The following CACNA1B variants were observed in gnomAD, a reference collection of about 807,000 sequenced individuals.
CACNA1B encodes the protein calcium voltage-gated channel subunit alpha1 B.
A neutral mutation model predicts 247.2 loss-of-function variants in CACNA1B; 70 were observed. That is an observed-to-expected ratio of 0.28 (90% CI 0.23 to 0.35). CACNA1B has a LOEUF of 0.35. CACNA1B is among the 10% of genes least tolerant of loss of function. The pLI, the probability that CACNA1B is intolerant of heterozygous loss-of-function variation, is 1.00. For missense variants in CACNA1B, 2,367 were observed against 3,197.4 expected (o/e 0.74, Z 6.26); for synonymous variants, 1,231 against 1,294.4 (o/e 0.95, Z 1.05).
intron 6 of CACNA1B, among the ~76,000 whole-genome samples, chr9:137,931,423 G>A (rs184534497): frequency 1.6e-4 from 25 of 152,250 alleles, no homozygotes; most frequent in Admixed American, 1.5e-3. Flanking sequence ...GTGGAATGGG[G>A]GGCGTTGCAA....
Position 138,020,098 on chromosome 9 carries a change from C to CAA in CACNA1B, c.2268-2893_2268-2892dup, listed in dbSNP as rs4066675. Among the ~76,000 whole-genome samples, 66 of 83,780 alleles carry CAA rather than the reference C, an allele frequency of 7.9e-4. No individual in the cohort carries two copies. Among genetic ancestry groups the CAA allele is most frequent in the African/African-American group, 1.4e-3 (35 of 25,792 alleles). The allele number at this position is 83,780 out of a possible 152,430, so 55.0% of individuals were successfully genotyped here. On this transcript the variant is annotated intron_variant, in intron 18 of 46. Coordinates refer to ENST00000371372, the MANE Select transcript of CACNA1B (RefSeq NM_000718.4). The surrounding 1 kb of genome is among the most constrained non-coding windows in gnomAD (Gnocchi z 4.1). ...GGCGACACAGCGAGACTCTGTCTCCCAAAAAAAAAAAAAAAAAAAAATGCA... is the reference window on the plus strand; with the variant it reads ...GGCGACACAGCGAGACTCTGTCTCCCAAAAAAAAAAAAAAAAAAAAAAATGCA...
intron 3 of CACNA1B, among the ~76,000 whole-genome samples, chr9:137,896,193 T>G (rs951947551): frequency 6.8e-6 from 1 of 147,100 alleles, no homozygotes; most frequent in Admixed American, 6.9e-5. Flanking sequence ...GAGCCGAGAT[T>G]GCACCACTGC....
At chr9:137,892,540 C>T in intron 3 of CACNA1B, 1 of 370,244 alleles carries the variant, frequency 2.7e-6, no homozygotes, top group Non-Finnish European at 5.4e-6. Flanking sequence ...TCTCTGTCAT[C>T]AGCCTCTGGG....
rs1171102669 is a variant in CACNA1B at position 138,057,627 on chromosome 9, G to A, written c.3969-105G>A. The A allele has an allele frequency of 9.1e-7, 1 of 1,098,736 alleles. No individual in the cohort carries two copies. The highest frequency in any genetic ancestry group is 1.6e-5 in the African/African-American group (1 of 64,096). 68.1% of individuals were successfully genotyped at this position (1,098,736 alleles called of 1,614,324 possible). ...TCCAGTTTTCCCAGCACAGTCTGTT[G>A]GAGAGGCCATTCTTTCCCCACGGAA... On this transcript the variant is annotated intron_variant, in intron 26 of 46. Coordinates refer to ENST00000371372, the MANE Select transcript of CACNA1B (RefSeq NM_000718.4). The surrounding 1 kb of genome is among the most constrained non-coding windows in gnomAD (Gnocchi z 4.0).
chr9:137,982,832 G>T (rs1408160357), intron 12 of CACNA1B, among the ~76,000 whole-genome samples: 1 of 152,176 alleles, frequency 6.6e-6, no homozygotes, highest in Non-Finnish European at 1.5e-5. Flanking sequence ...GTATTGATAG[G>T]GTTATCACAG....
intron 2 of CACNA1B, among the ~76,000 whole-genome samples, chr9:137,879,987 G>A (rs537770291): frequency 2.0e-5 from 3 of 152,222 alleles, no homozygotes; most frequent in Non-Finnish European, 2.9e-5. Flanking sequence ...CAGAGCAAGT[G>A]GGGGCCCAGG....
intron 15 of CACNA1B, among the ~76,000 whole-genome samples, chr9:137,995,314 T>C (rs891960929): frequency 1.3e-5 from 2 of 151,544 alleles, no homozygotes; most frequent in Admixed American, 6.6e-5. Flanking sequence ...CAAAACACCA[T>C]GGTACTGGTA....
At position 138,000,998 on chromosome 9, in the gene CACNA1B, AT is replaced by A. The variant is rs1958570749; in HGVS notation, c.1975-5765del. Among the ~76,000 whole-genome samples, 3 of 152,054 alleles carry A rather than the reference AT, an allele frequency of 2.0e-5. No homozygotes were observed. The South Asian group carries it at 6.2e-4, about 32-fold the overall frequency. On this transcript the variant is annotated intron_variant, in intron 15 of 46. Coordinates refer to ENST00000371372, the MANE Select transcript of CACNA1B (RefSeq NM_000718.4). The stretch of plus-strand genomic sequence containing the variant: ...AAAATATGCTTTTTACAGTCTTGTT[AT>A]TTTGGTGTTTTTTTATCTGCATCAC...
chr9:137,879,202 C>T (rs769992329), intron 2 of CACNA1B, 43 bp downstream of exon 2: 1 of 1,254,916 alleles, frequency 8.0e-7, no homozygotes, highest in Non-Finnish European at 1.1e-6. Flanking sequence ...GTGGGGAGGC[C>T]GCGACTCCAC....
intron 11 of CACNA1B, among the ~76,000 whole-genome samples, chr9:137,975,003 C>T (rs985217762): frequency 2.0e-5 from 3 of 152,200 alleles, no homozygotes; most frequent in Non-Finnish European, 2.9e-5. Context: ...ACTCCTGGCT[C>T]AGCCAGCGGC....
intron 15 of CACNA1B, among the ~76,000 whole-genome samples, chr9:138,005,336 ATTAAG>A (rs571884008): frequency 7.4e-4 from 112 of 152,360 alleles, no homozygotes; most frequent in Non-Finnish European, 1.2e-3. Flanking sequence ...AGTGGATGTC[ATTAAG>A]TTAAGTGAAA....
intron 12 of CACNA1B, 64 bp from the exon 13 acceptor site, chr9:137,984,074 C>T (rs1186182733): frequency 1.6e-6 from 2 of 1,217,456 alleles, no homozygotes; most frequent in African/African-American, 3.0e-5. Flanking sequence ...GGTGTGCACA[C>T]ACATCCATCT....
intron 21 of CACNA1B, among the ~76,000 whole-genome samples, chr9:138,044,940 A>G (rs1019754400): frequency 3.9e-5 from 6 of 152,234 alleles, no homozygotes; most frequent in African/African-American, 1.4e-4. Flanking sequence ...CTGCCATGTC[A>G]GGACTGACAG....
At chr9:137,989,447 C>T (rs1214351393) in intron 15 of CACNA1B, among the ~76,000 whole-genome samples, 1 of 152,072 alleles carries the variant, frequency 6.6e-6, no homozygotes, top group Non-Finnish European at 1.5e-5. Flanking sequence ...GGCCAGTGCC[C>T]CTTCCGAGTG....
chr9:137,960,710 G>T (rs1958011660), intron 10 of CACNA1B, among the ~76,000 whole-genome samples: 1 of 151,988 alleles, frequency 6.6e-6, no homozygotes, highest in Non-Finnish European at 1.5e-5. Flanking sequence ...GGTAGCGGTC[G>T]AGGAAACCTG....
rs554747824 is a variant in CACNA1B, at chr9:138,059,609, A to T, written c.4585-45A>T. ...CCTATATATACCTCTTTGCCAACAG[A>T]GCCCTCATCAGCCGCTGGCACTAAC... On this transcript the variant is annotated intron_variant, in intron 30 of 46. Coordinates refer to ENST00000371372, the MANE Select transcript of CACNA1B (RefSeq NM_000718.4). The surrounding 1 kb of genome is among the most constrained non-coding windows in gnomAD (Gnocchi z 4.2). The T allele has an allele frequency of 5.5e-6, 6 of 1,096,318 alleles. No homozygotes were observed. In the East Asian group the frequency reaches 1.4e-4, roughly 26 times the overall value. The allele number at this position is 1,096,318 out of a possible 1,614,324, so 67.9% of individuals were successfully genotyped here.
Position 138,059,543 on chromosome 9 carries a change from AG to A in CACNA1B, c.4585-108del. 1.4e-6 allele frequency: 1 copy of A among 734,558 alleles called. No homozygotes were observed. The highest frequency in any genetic ancestry group is 2.0e-5 in the Admixed American group (1 of 51,096). The allele number at this position is 734,558 out of a possible 1,614,324, so 45.5% of individuals were successfully genotyped here. A position where few individuals can be genotyped will look rare whatever the true frequency, so the allele number is the denominator to read the frequency against. On this transcript the variant is annotated intron_variant, in intron 30 of 46. Transcript: ENST00000371372. The surrounding 1 kb of genome is among the most constrained non-coding windows in gnomAD (Gnocchi z 4.2). ...GGGGTGGCCTGTCTGCCCTGTGCTC[AG>A]GGTCTATCACCCTCACCGCTTTCTT...
chr9:137,917,195 C>T lies in CACNA1B; in HGVS notation c.776-46C>T, dbSNP rs1351780508. 1.3e-6 allele frequency: 2 copies of T among 1,552,576 alleles called. No individual in the cohort carries two copies. Among genetic ancestry groups the T allele is most frequent in the Non-Finnish European group, 1.8e-6 (2 of 1,139,856 alleles). ...AGGAATCCTGGTGGGGATTGGAGAGCTTGGTATTTCTGAGCTCAGGGTCTG... is the reference window on the plus strand; with the variant it reads ...AGGAATCCTGGTGGGGATTGGAGAGTTTGGTATTTCTGAGCTCAGGGTCTG... On this transcript the variant is annotated intron_variant, in intron 5 of 46. Coordinates refer to ENST00000371372, the MANE Select transcript of CACNA1B (RefSeq NM_000718.4). The surrounding 1 kb of genome is among the most constrained non-coding windows in gnomAD (Gnocchi z 5.5).
intron 37 of CACNA1B, among the ~76,000 whole-genome samples, chr9:138,097,709 CCT>C (rs1961101236): frequency 1.3e-5 from 2 of 152,194 alleles, no homozygotes; most frequent in Admixed American, 1.3e-4. Flanking sequence ...GCCCAGGCCC[CCT>C]CGCACTCCTC....
Sources: gnomAD v4.1 joint callset for allele counts (sites outside exome capture counted in the v4.1 genomes callset) on GRCh38, gnomAD v4.1.1 for gene constraint, Gnocchi (gnomAD v3.1) non-coding constraint, MANE v1.5 for transcripts, NCBI Gene and HGNC (gene_info 2026-07-23, HGNC 2026-07-21) for gene names.